The following UPRT variants were observed in gnomAD, a reference collection of about 807,000 sequenced individuals.
UPRT encodes RP11-311P8.3.
Under a neutral mutation model 22.6 loss-of-function variants are expected in UPRT, and 5 were observed. The ratio of observed to expected loss-of-function variants is 0.22; its 90% confidence interval spans 0.12 to 0.47. The LOEUF (loss-of-function observed/expected upper bound fraction) is 0.47, where lower values mean the gene tolerates loss of function less well. Among genes scored for constraint, UPRT ranks in the 20% least tolerant of loss-of-function variants. UPRT has a pLI of 0.99. For synonymous variants in UPRT, 77 were observed against 87.7 expected (o/e 0.88, Z 0.68); for missense variants, 181 against 239.9 (o/e 0.75, Z 1.62).
intron 1 of UPRT, chrX:75,156,760 G>A (rs2082181291): frequency 6.0e-6 from 2 of 330,607 alleles, no homozygotes; most frequent in African/African-American, 2.6e-5. Flanking sequence ...AACTACAGAC[G>A]TTAATTTCCC....
At chrX:75,225,090 T>A (rs1010263473) in intron 4 of UPRT, among the ~76,000 whole-genome samples, 3 of 110,938 alleles carry the variant, frequency 2.7e-5, no homozygotes, top group African/African-American at 9.9e-5. Context: ...CCTCTTCTGA[T>A]GTGGAACCAC....
intron 4 of UPRT, among the ~76,000 whole-genome samples, chrX:75,184,055 T>C (rs1306362083): frequency 8.9e-6 from 1 of 112,267 alleles, no homozygotes; most frequent in Non-Finnish European, 1.9e-5. Flanking sequence ...ATTTTGGCTT[T>C]TGTTGCCATT....
At chrX:75,276,012 C>T (rs1280645270) in intron 1 of UPRT, among the ~76,000 whole-genome samples, 1 of 111,789 alleles carries the variant, frequency 8.9e-6, no homozygotes, top group East Asian at 2.8e-4. Flanking sequence ...ATGCCTGGCC[C>T]CCTTAGCTTG....
chrX:75,204,345 C>A (rs2082357034), intron 4 of UPRT, among the ~76,000 whole-genome samples: 2 of 111,591 alleles, frequency 1.8e-5, no homozygotes, highest in Admixed American at 1.9e-4. Context: ...GGTTGTTAGG[C>A]AAAATGTTAA....
At chrX:75,274,887 G>A (rs1202838203) in intron 1 of UPRT, 2 of 366,644 alleles carry the variant, frequency 5.5e-6, no homozygotes, top group African/African-American at 5.3e-5. Context: ...TGGGGAGGAA[G>A]ACTTTAGGTA....
intron 1 of UPRT, among the ~76,000 whole-genome samples, chrX:75,284,812 C>G (rs1367241751): frequency 1.8e-5 from 2 of 111,621 alleles, no homozygotes; most frequent in Non-Finnish European, 3.8e-5. Context: ...GAGAGCATCA[C>G]CTGTAGTAGT....
intron 4 of UPRT, among the ~76,000 whole-genome samples, chrX:75,173,349 A>G (rs2082235330): frequency 9.1e-6 from 1 of 110,093 alleles, no homozygotes; most frequent in African/African-American, 3.3e-5. Context: ...TGGTGTATTT[A>G]CAATCCTTGA....
chrX:75,270,798 T>TA, upstream of UPRT, among the ~76,000 whole-genome samples: 1 of 111,354 alleles, frequency 9.0e-6, no homozygotes, highest in Non-Finnish European at 1.9e-5. Flanking sequence ...GAAAACTACG[T>TA]AATGTAGGCG....
At position 75,300,952 on chromosome X, in the gene UPRT, C is replaced by T; in HGVS notation, c.810C>T (p.Phe270=). 1 of 1,205,224 alleles carries T rather than the reference C, an allele frequency of 8.3e-7. No homozygotes were observed. The highest frequency in any genetic ancestry group is 1.8e-5 in the South Asian group (1 of 56,429). The change falls in exon 6 of 7, where the codon TTC becomes TTT. Residue 270 remains phenylalanine, a synonymous_variant. Transcript: ENST00000373383. ...QPSVIILLSL[F]STPHGAKSII... The stretch of plus-strand genomic sequence containing the variant: ...GTGTTATCATCCTACTCAGTCTGTT[C>T]TCCACTCCTCATGGTGAGTTCAGCA...
In UPRT at chrX:75,304,670, A is replaced by T. The variant is rs1035109167; in HGVS notation, c.*1159A>T. The T allele has an allele frequency of 2.7e-5, 3 of 111,490 alleles. No individual in the cohort carries two copies. The highest frequency in any genetic ancestry group is 6.5e-5 in the African/African-American group (2 of 30,664). 9.2% of individuals were successfully genotyped at this position (111,490 alleles called of 1,213,427 possible). On this transcript the variant is annotated 3_prime_UTR_variant, in exon 7 of 7. Coordinates refer to ENST00000373383, the MANE Select transcript of UPRT (RefSeq NM_145052.4). ...AGGAAGCTGTTGTGGGCCTCTGTTCAAAAGCACAGAAAAGAGCAGAAGGAA... is the reference window on the plus strand; with the variant it reads ...AGGAAGCTGTTGTGGGCCTCTGTTCTAAAGCACAGAAAAGAGCAGAAGGAA...
chrX:75,255,027 G>C lies in UPRT; in HGVS notation c.-446-35997G>C, dbSNP rs770757801. 4.5e-5 allele frequency among the ~76,000 whole-genome samples: 5 copies of C among 110,226 alleles called. No individual in the cohort carries two copies. In the East Asian group the frequency reaches 1.4e-3, roughly 32 times the overall value. ...CCTGACCTCATGATCCACCCGCCTC[G>C]GCCTCCCAAAGTGCTGGGATTACAG... On this transcript the variant is annotated intron_variant, in intron 4 of 13. Coordinates refer to the UPRT transcript ENST00000652605.
At chrX:75,291,045 T>C (rs912966268) in intron 1 of UPRT, among the ~76,000 whole-genome samples, 3 of 112,238 alleles carry the variant, frequency 2.7e-5, no homozygotes, top group Non-Finnish European at 5.6e-5. Flanking sequence ...CTTTTTAAAA[T>C]GACTGCCTTT....
At chrX:75,266,460 A>G (rs911384952) in intron 4 of UPRT, among the ~76,000 whole-genome samples, 1 of 111,884 alleles carries the variant, frequency 8.9e-6, no homozygotes, top group South Asian at 3.7e-4. Flanking sequence ...TAAAGATTTA[A>G]ATGTTAGACC....
rs750803312 is a variant in UPRT, at chrX:75,303,349, A to G, written c.824-56A>G. The G allele has an allele frequency of 5.3e-6, 5 of 952,122 alleles. No individual in the cohort carries two copies. In the South Asian group the frequency reaches 1.1e-4, roughly 20 times the overall value. The allele number at this position is 952,122 out of a possible 1,213,427, so 78.5% of individuals were successfully genotyped here. Reference sequence around the variant, plus strand: ...AGTGGCAATAACTACAAAATTCCTGAATTACAACTGGTGTTACCAAAACAT... The same window carrying G: ...AGTGGCAATAACTACAAAATTCCTGGATTACAACTGGTGTTACCAAAACAT... On this transcript the variant is annotated intron_variant, in intron 6 of 6. Transcript: ENST00000373383.
chrX:75,191,796 G>A (rs2082316150), intron 4 of UPRT, among the ~76,000 whole-genome samples: 1 of 112,353 alleles, frequency 8.9e-6, no homozygotes, highest in Admixed American at 9.4e-5. Flanking sequence ...TGTGCCATTT[G>A]CTAAGACCCT....
intron 4 of UPRT, among the ~76,000 whole-genome samples, chrX:75,175,282 C>T (rs776613036): frequency 8.9e-6 from 1 of 111,914 alleles, no homozygotes; most frequent in African/African-American, 3.2e-5. Context: ...TAGATAATAG[C>T]TCCAGCCTTG....
At chrX:75,294,743 A>T in intron 2 of UPRT, 1 of 366,836 alleles carries the variant, frequency 2.7e-6, no homozygotes, top group Non-Finnish European at 3.8e-6. Context: ...TAGTTACGTC[A>T]TTCTGTCTTT....
chrX:75,185,564 T>C (rs1357272023), intron 4 of UPRT, among the ~76,000 whole-genome samples: 1 of 112,248 alleles, frequency 8.9e-6, no homozygotes, highest in African/African-American at 3.2e-5. Context: ...TTCCCTGTTT[T>C]TCTATTGATT....
At chrX:75,299,358 C>T (rs1015509528) in intron 4 of UPRT, among the ~76,000 whole-genome samples, 9 of 112,063 alleles carry the variant, frequency 8.0e-5, no homozygotes, top group African/African-American at 2.9e-4. Context: ...ATACAAAAGT[C>T]ACAAATTTAG....
Sources: allele counts gnomAD v4.1 joint callset (sites outside exome capture counted in the v4.1 genomes callset), GRCh38; gene constraint gnomAD v4.1.1; transcripts MANE v1.5; gene names NCBI Gene and HGNC (gene_info 2026-07-23, HGNC 2026-07-21).